HDAC9: variants seen among roughly 807,000 people sequenced by gnomAD.
The protein encoded by HDAC9 is histone deacetylase 9, also known as MEF-2 interacting transcription repressor (MITR) protein.
HDAC9 carries 41 observed loss-of-function variants against 139.4 expected under a neutral mutation model. The ratio of observed to expected loss-of-function variants is 0.29; its 90% CI spans 0.23 to 0.38. The LOEUF (loss-of-function observed/expected upper bound fraction) is 0.38. Ranked by LOEUF, HDAC9 falls within the 10% of genes least tolerant of loss-of-function variation. The pLI is 1.00. For missense variants in HDAC9, 1,147 were observed against 1,297.0 expected (o/e 0.88, Z 1.78); for synonymous variants, 517 against 476.2 (o/e 1.09, Z -1.12).
At chr7:18,581,498 T>A (rs182577276) in intron 2 of HDAC9, among the ~76,000 whole-genome samples, 1,819 of 152,204 alleles carry the variant, frequency 0.012, 34 homozygotes, top group African/African-American at 0.042. Context: ...CTTATCTTTT[T>A]AAAAAAGCTT....
intron 17 of HDAC9, among the ~76,000 whole-genome samples, chr7:18,812,572 G>A (rs1794258449): frequency 6.6e-6 from 1 of 151,606 alleles, no homozygotes; most frequent in African/African-American, 2.4e-5. Context: ...TTGAAAAGAT[G>A]TATATTTTTT....
At chr7:18,116,720 C>T (rs1256798176) in intron 1 of HDAC9, among the ~76,000 whole-genome samples, 1 of 152,030 alleles carries the variant, frequency 6.6e-6, no homozygotes, top group South Asian at 2.1e-4. Flanking sequence ...TAGCCTAACT[C>T]CCCTTCACCA....
chr7:18,541,164 T>TC (rs1554482465), intron 2 of HDAC9, among the ~76,000 whole-genome samples: 1 of 149,998 alleles, frequency 6.7e-6, no homozygotes. Flanking sequence ...TTTTTTTTTT[T>TC]TTCTGATTGA....
chr7:18,614,864 G>T (rs1437911074), intron 6 of HDAC9, among the ~76,000 whole-genome samples: 1 of 152,132 alleles, frequency 6.6e-6, no homozygotes, highest in Non-Finnish European at 1.5e-5. Flanking sequence ...ATATGTTCTG[G>T]TTAAAGCCAA....
chr7:18,795,574 C>G (rs1792727487), intron 17 of HDAC9, among the ~76,000 whole-genome samples: 1 of 152,174 alleles, frequency 6.6e-6, no homozygotes, highest in East Asian at 1.9e-4. Flanking sequence ...GCTGGGTTAT[C>G]TTTCTGATTG....
intron 15 of HDAC9, among the ~76,000 whole-genome samples, chr7:18,766,024 G>C (rs1584999643): frequency 6.6e-6 from 1 of 152,100 alleles, no homozygotes; most frequent in African/African-American, 2.4e-5. Flanking sequence ...AAAACAAACT[G>C]TCTTCTGTGA....
intron 25 of HDAC9, among the ~76,000 whole-genome samples, chr7:18,991,406 C>G (rs923255179): frequency 6.6e-6 from 1 of 152,092 alleles, no homozygotes; most frequent in South Asian, 2.1e-4. Flanking sequence ...TTTGGGAGGC[C>G]GAGGCGGGCA....
chr7:18,923,997 T>G (rs1011277700), intron 22 of HDAC9, among the ~76,000 whole-genome samples: 4 of 152,056 alleles, frequency 2.6e-5, no homozygotes, highest in African/African-American at 9.7e-5. Flanking sequence ...TGATAAGTAT[T>G]TGAAAAGAAG....
intron 16 of HDAC9, among the ~76,000 whole-genome samples, chr7:18,768,142 G>A (rs563108118): frequency 1.1e-4 from 17 of 152,206 alleles, no homozygotes; most frequent in South Asian, 8.3e-4. Context: ...ACAGTTTGCC[G>A]ACAAACAAGT....
intron 2 of HDAC9, among the ~76,000 whole-genome samples, chr7:18,205,682 C>T (rs867717911): frequency 9.2e-5 from 14 of 152,168 alleles, no homozygotes; most frequent in Middle Eastern, 6.8e-3. Context: ...CTATAATCTT[C>T]TCCCTCAGGG....
intron 6 of HDAC9, among the ~76,000 whole-genome samples, chr7:18,597,562 G>A (rs1282015457): frequency 6.6e-6 from 1 of 152,030 alleles, no homozygotes; most frequent in African/African-American, 2.4e-5. Context: ...TTTGGAAATG[G>A]TACATGTTTC....
intron 18 of HDAC9, 72 bp downstream of exon 18, chr7:18,829,288 C>G (rs1795686390): frequency 3.9e-6 from 5 of 1,285,066 alleles, no homozygotes. Flanking sequence ...GTGCATGTTT[C>G]TGAAGCCTCT....
intron 1 of HDAC9, among the ~76,000 whole-genome samples, chr7:18,333,994 A>G (rs1242686814): frequency 1.3e-5 from 2 of 151,422 alleles, no homozygotes; most frequent in Admixed American, 6.6e-5. Flanking sequence ...AAAAAAGTCA[A>G]TGACTACTTA....
chr7:18,535,485 G>A (rs1810557645), intron 2 of HDAC9, among the ~76,000 whole-genome samples: 1 of 151,792 alleles, frequency 6.6e-6, no homozygotes. Context: ...TAATGAGGAT[G>A]TCATAAGATT....
At chr7:18,247,919 T>C (rs1182739551) in intron 2 of HDAC9, among the ~76,000 whole-genome samples, 2 of 152,220 alleles carry the variant, frequency 1.3e-5, no homozygotes, top group Non-Finnish European at 2.9e-5. Context: ...GTCTTATTTA[T>C]GTACTTTTTA....
At chr7:18,187,859 G>T (rs552584527) in intron 2 of HDAC9, among the ~76,000 whole-genome samples, 1 of 152,146 alleles carries the variant, frequency 6.6e-6, no homozygotes, top group Non-Finnish European at 1.5e-5. Flanking sequence ...GCCTTCTTCA[G>T]TGTGCTTCTT....
chr7:18,253,690 A>G (rs1393524544), intron 2 of HDAC9, among the ~76,000 whole-genome samples: 1 of 152,140 alleles, frequency 6.6e-6, no homozygotes, highest in Non-Finnish European at 1.5e-5. Context: ...TGGTAAGGGG[A>G]CAGGTGTTGG....
At chr7:18,545,406 G>A (rs963793983) in intron 2 of HDAC9, among the ~76,000 whole-genome samples, 1 of 152,170 alleles carries the variant, frequency 6.6e-6, no homozygotes, top group Non-Finnish European at 1.5e-5. Context: ...TTCAAGGTTT[G>A]TGAAGTTGGG....
chr7:18,254,071 A>G (rs1795088491), intron 2 of HDAC9, among the ~76,000 whole-genome samples: 1 of 152,244 alleles, frequency 6.6e-6, no homozygotes, highest in African/African-American at 2.4e-5. Flanking sequence ...TGGACTTTCA[A>G]TATACATCAA....
Sources: allele counts gnomAD v4.1 joint callset (sites outside exome capture counted in the v4.1 genomes callset), GRCh38; gene constraint gnomAD v4.1.1; transcripts MANE v1.5; gene names NCBI Gene and HGNC (gene_info 2026-07-23, HGNC 2026-07-21).